NR2C2: variants seen among roughly 807,000 people sequenced by gnomAD.
NR2C2 encodes the protein nuclear receptor subfamily 2 group C member 2.
A neutral mutation model predicts 62.9 loss-of-function variants in NR2C2; 6 were observed. The observed-to-expected ratio is 0.10, with a 90% CI of 0.05 to 0.19. The LOEUF is 0.19. NR2C2 is among the 10% of genes least tolerant of loss of function. The pLI is 1.00. For missense variants in NR2C2, 479 were observed against 762.7 expected, an observed-to-expected ratio of 0.63 and a Z score of 4.38; for synonymous variants, 272 against 273.8, an observed-to-expected ratio of 0.99 and a Z score of 0.07.
At chr3:15,012,569 A>G (rs2041386888) in intron 2 of NR2C2, among the ~76,000 whole-genome samples, 1 of 152,112 alleles carries the variant, frequency 6.6e-6, no homozygotes, top group African/African-American at 2.4e-5. Context: ...AGACCTGCCC[A>G]TAAGTGTACT....
chr3:14,978,301 A>T (rs1020019980), intron 1 of NR2C2, among the ~76,000 whole-genome samples: 1 of 152,188 alleles, frequency 6.6e-6, no homozygotes, highest in Non-Finnish European at 1.5e-5. Flanking sequence ...TTAGTCGAAC[A>T]TACCTTAAAC....
At position 15,005,555 on chromosome 3, in the gene NR2C2, T is replaced by C. The variant is rs546869216; in HGVS notation, c.72+1569T>C. 3.4e-5 allele frequency among the ~76,000 whole-genome samples: 5 copies of C among 147,764 alleles called. No homozygotes were observed. The East Asian group carries it at 9.9e-4, about 29-fold the overall frequency. ...TTTTTTTTTTAGGAGAATCTTGCTC[T>C]GTTGCCCAGGCTGGAGTGCATTTAC... On this transcript the variant is annotated intron_variant, in intron 2 of 13. Coordinates refer to ENST00000425241, the MANE Select transcript of NR2C2 (RefSeq NM_001291694.2).
At chr3:14,980,379 T>C (rs2040331689) in intron 1 of NR2C2, among the ~76,000 whole-genome samples, 1 of 152,018 alleles carries the variant, frequency 6.6e-6, no homozygotes, top group African/African-American at 2.4e-5. Context: ...TACAGGCTGC[T>C]CTCAAACTCC....
At position 15,020,836 on chromosome 3, in the gene NR2C2, C is replaced by A; in HGVS notation, c.460C>A (p.Arg154=). 1 of 1,614,086 alleles carries A rather than the reference C, an allele frequency of 6.2e-7. No homozygotes were observed. Among genetic ancestry groups the A allele is most frequent in the African/African-American group, 1.3e-5 (1 of 74,992 alleles). ...SVRKNLTYSC[R]SNQDCIINKH... ...GAGGAAAAATTTGACCTACAGCTGC[C>A]GGAGCAACCAAGACTGCATCATCAA... is the stretch of plus-strand genomic sequence containing the variant. Residue 154 remains arginine (R), a synonymous_variant, in exon 5 of 14, where the codon CGG becomes AGG. Transcript: ENST00000425241.
chr3:15,004,555 AG>A (rs2041113293), intron 2 of NR2C2: 1 of 1,610,986 alleles, frequency 6.2e-7, no homozygotes, highest in Non-Finnish European at 8.5e-7. Flanking sequence ...TGTCTTCCCT[AG>A]GGCTCTGAAC....
intron 1 of NR2C2, among the ~76,000 whole-genome samples, chr3:14,970,505 C>T (rs1198142321): frequency 6.6e-6 from 1 of 152,130 alleles, no homozygotes; most frequent in Non-Finnish European, 1.5e-5. Context: ...TTCCCCTAGC[C>T]TTTGGCAACC....
rs541933945 is a variant in NR2C2, at chr3:15,022,866, T to C, written c.557-334T>C. ...AATGAGGCTTCATCTCTACAAAAAA[T>C]AATAAAATAATAACATAAAATAATA... On this transcript the variant is annotated intron_variant, in intron 5 of 13. Transcript: ENST00000425241. Among the ~76,000 whole-genome samples, 8 of 152,200 alleles carry C rather than the reference T, an allele frequency of 5.3e-5. No individual in the cohort carries two copies. The South Asian group carries it at 1.5e-3, about 28-fold the overall frequency.
intron 4 of NR2C2, among the ~76,000 whole-genome samples, chr3:15,020,230 G>C (rs939907289): frequency 1.3e-5 from 2 of 152,134 alleles, no homozygotes; most frequent in Non-Finnish European, 2.9e-5. Flanking sequence ...TGACTATCCC[G>C]CTTCCCCAGG....
intron 5 of NR2C2, among the ~76,000 whole-genome samples, chr3:15,022,155 G>C (rs548306157): frequency 6.6e-6 from 1 of 152,310 alleles, no homozygotes; most frequent in African/African-American, 2.4e-5. Context: ...ACCTTCATCA[G>C]TTTTGTCTTT....
intron 1 of NR2C2, among the ~76,000 whole-genome samples, chr3:14,956,194 C>T (rs2125227377): frequency 6.6e-6 from 1 of 152,326 alleles, no homozygotes; most frequent in South Asian, 2.1e-4. Flanking sequence ...TTACACTAAA[C>T]CTGCCACTTG....
At chr3:15,015,977 T>C (rs953242137) in intron 3 of NR2C2, among the ~76,000 whole-genome samples, 175 bp from the exon 4 acceptor site, 17 of 152,108 alleles carry the variant, frequency 1.1e-4, no homozygotes, top group Non-Finnish European at 2.5e-4. Context: ...TAATTTTGTA[T>C]TTTTAGTAGA....
intron 3 of NR2C2, among the ~76,000 whole-genome samples, chr3:15,014,401 GAACAGA>G (rs1453747720): frequency 2.0e-5 from 3 of 152,058 alleles, no homozygotes; most frequent in Non-Finnish European, 4.4e-5. Context: ...AACAATTAGA[GAACAGA>G]AACTCAAGGT....
At chr3:14,951,162 C>G (rs965024684) in intron 1 of NR2C2, among the ~76,000 whole-genome samples, 1 of 152,160 alleles carries the variant, frequency 6.6e-6, no homozygotes, top group African/African-American at 2.4e-5. Context: ...ATCAAATATT[C>G]TGATTTTTGT....
intron 1 of NR2C2, among the ~76,000 whole-genome samples, chr3:14,983,655 T>A (rs1158527691): frequency 6.6e-6 from 1 of 152,142 alleles, no homozygotes; most frequent in Non-Finnish European, 1.5e-5. Flanking sequence ...AAATGAGAAT[T>A]ATTTGGTCCT....
chr3:15,003,417 G>C (rs2041078530), intron 1 of NR2C2, among the ~76,000 whole-genome samples: 1 of 152,138 alleles, frequency 6.6e-6, no homozygotes, highest in South Asian at 2.1e-4. Context: ...GAAATTACCA[G>C]GACGCTTTTA....
At chr3:14,961,911 C>A (rs1488383636) in intron 1 of NR2C2, among the ~76,000 whole-genome samples, 1 of 152,162 alleles carries the variant, frequency 6.6e-6, no homozygotes, top group Non-Finnish European at 1.5e-5. Flanking sequence ...TAGTATTTGC[C>A]TTTCAACCTG....
chr3:14,994,788 A>C (rs1174309166), intron 1 of NR2C2, among the ~76,000 whole-genome samples: 1 of 147,268 alleles, frequency 6.8e-6, no homozygotes, highest in Admixed American at 6.8e-5. Flanking sequence ...GGTGGAGTGT[A>C]CCTGTAGTCC....
intron 7 of NR2C2, among the ~76,000 whole-genome samples, chr3:15,024,653 G>T (rs781151284): frequency 6.6e-6 from 1 of 152,190 alleles, no homozygotes; most frequent in Non-Finnish European, 1.5e-5. Context: ...TCAGTCATAG[G>T]GATTTAACTT....
intron 1 of NR2C2, among the ~76,000 whole-genome samples, chr3:14,949,253 T>C (rs950647673): frequency 6.6e-6 from 1 of 152,188 alleles, no homozygotes; most frequent in African/African-American, 2.4e-5. Context: ...AATGACCTGC[T>C]GAAGAAGACC....
Sources: gnomAD v4.1 joint callset for allele counts (sites outside exome capture counted in the v4.1 genomes callset) on GRCh38, gnomAD v4.1.1 for gene constraint, MANE v1.5 for transcripts, NCBI Gene and HGNC (gene_info 2026-07-23, HGNC 2026-07-21) for gene names.